NBEA: variants seen among roughly 807,000 people sequenced by gnomAD.
The protein encoded by NBEA is neurobeachin, also known as lysosomal-trafficking regulator 2.
A neutral mutation model predicts 343.4 loss-of-function variants in NBEA; 44 were observed. The ratio of observed to expected loss-of-function variants is 0.13; its 90% CI spans 0.10 to 0.16. The LOEUF (loss-of-function observed/expected upper bound fraction) is 0.16. Among genes scored for constraint, NBEA ranks in the 10% least tolerant of loss-of-function variants. The pLI is 1.00. For missense variants in NBEA, 2,555 were observed against 3,631.3 expected (o/e 0.70, Z 7.62); for synonymous variants, 1,175 against 1,238.7 (o/e 0.95, Z 1.08).
At chr13:35,521,478 G>A (rs1416188773) in intron 41 of NBEA, among the ~76,000 whole-genome samples, 1 of 152,164 alleles carries the variant, frequency 6.6e-6, no homozygotes, top group African/African-American at 2.4e-5. Context: ...CCCATGACAA[G>A]AACAGGCAGA....
intron 56 of NBEA, among the ~76,000 whole-genome samples, chr13:35,665,725 C>G (rs1191465469): frequency 6.6e-6 from 1 of 152,150 alleles, no homozygotes; most frequent in Non-Finnish European, 1.5e-5. Context: ...CTCCTGGGTT[C>G]AGGTGATTCT....
At chr13:35,172,517 G>T (rs1284137318) in intron 26 of NBEA, among the ~76,000 whole-genome samples, 1 of 151,816 alleles carries the variant, frequency 6.6e-6, no homozygotes, top group Non-Finnish European at 1.5e-5. Context: ...TGGTTATTCT[G>T]TACTTTTATT....
At chr13:34,952,645 GTAATA>G (rs1593267630) in intron 1 of NBEA, among the ~76,000 whole-genome samples, 1 of 152,026 alleles carries the variant, frequency 6.6e-6, no homozygotes, top group East Asian at 1.9e-4. Context: ...TAGCATCTGG[GTAATA>G]TAATTTCTAA....
Position 35,475,503 on chromosome 13 carries a change from G to C in NBEA, c.6585+2967G>C, listed in dbSNP as rs763469679. On this transcript the variant is annotated intron_variant, in intron 41 of 58. Coordinates refer to ENST00000379939, the MANE Select transcript of NBEA (RefSeq NM_001385012.1). ...TGCCGGCCAAGGAGTGGCACTCCTTGGACAAGAGATTGAAACCTTCCGCCT... is the reference window on the plus strand; with the variant it reads ...TGCCGGCCAAGGAGTGGCACTCCTTCGACAAGAGATTGAAACCTTCCGCCT... 6 of 1,612,228 alleles carry C rather than the reference G, an allele frequency of 3.7e-6. No homozygotes were observed. In the Admixed American group the frequency reaches 8.3e-5, roughly 22 times the overall value.
chr13:35,198,250 G>A (rs370304591), intron 31 of NBEA, among the ~76,000 whole-genome samples: 1 of 152,046 alleles, frequency 6.6e-6, no homozygotes, highest in African/African-American at 2.4e-5. Context: ...ACATATGCAT[G>A]TAAGTATATG....
At chr13:35,052,513 A>G (rs2063100343) in intron 6 of NBEA, among the ~76,000 whole-genome samples, 2 of 151,850 alleles carry the variant, frequency 1.3e-5, no homozygotes, top group Admixed American at 1.3e-4. Flanking sequence ...ATTCCTTATT[A>G]CTGGTTGTGT....
intron 34 of NBEA, among the ~76,000 whole-genome samples, chr13:35,237,219 C>T (rs1423248375): frequency 2.0e-5 from 3 of 152,036 alleles, no homozygotes; most frequent in Non-Finnish European, 2.9e-5. Context: ...CGTACCACTG[C>T]ACTCCAGCCT....
chr13:35,404,195 C>T (rs2043142730), intron 38 of NBEA, among the ~76,000 whole-genome samples: 1 of 152,028 alleles, frequency 6.6e-6, no homozygotes, highest in Admixed American at 6.6e-5. Flanking sequence ...GTCAGCGTGG[C>T]GATTCCTCAG....
intron 50 of NBEA, 34 bp downstream of exon 50, chr13:35,645,965 T>G: frequency 7.2e-7 from 1 of 1,390,550 alleles, no homozygotes; most frequent in South Asian, 1.3e-5. Context: ...GAAAGTGTTC[T>G]TTGGTCTTTA....
intron 54 of NBEA, 87 bp from the exon 55 acceptor site, chr13:35,655,492 A>AT (rs2153081948): frequency 2.9e-6 from 4 of 1,357,278 alleles, no homozygotes; most frequent in East Asian, 2.4e-5. Context: ...ATATGGTAAA[A>AT]TTTTTTAAAA....
intron 17 of NBEA, among the ~76,000 whole-genome samples, chr13:35,129,989 G>A (rs1465288966): frequency 6.6e-6 from 1 of 152,108 alleles, no homozygotes; most frequent in African/African-American, 2.4e-5. Context: ...TGCTAATAAA[G>A]GTGCCATCTC....
intron 1 of NBEA, among the ~76,000 whole-genome samples, chr13:34,964,382 A>G (rs1005281221): frequency 3.9e-5 from 6 of 152,000 alleles, no homozygotes; most frequent in Non-Finnish European, 1.5e-5. Context: ...TATACATGGC[A>G]TGTCATAATT....
intron 34 of NBEA, among the ~76,000 whole-genome samples, chr13:35,278,574 A>G (rs954942983): frequency 1.3e-5 from 2 of 152,174 alleles, no homozygotes; most frequent in Non-Finnish European, 1.5e-5. Flanking sequence ...GCCACTTTTG[A>G]TTCTTGTTTT....
rs757991447 is a variant in NBEA at position 35,161,921 on chromosome 13, A to G, written c.4033A>G (p.Thr1345Ala). 3 of 1,560,636 alleles carry G rather than the reference A, an allele frequency of 1.9e-6. No individual in the cohort carries two copies. Among genetic ancestry groups the G allele is most frequent in the African/African-American group, 2.7e-5 (2 of 73,552 alleles). Reference sequence around the variant, plus strand: ...GTCTCCAATGCACCAGCGGCTTCTCACTGATTTACTATTTGCATTAGAAAC... The same window carrying G: ...GTCTCCAATGCACCAGCGGCTTCTCGCTGATTTACTATTTGCATTAGAAAC... ...KWSPMHQRLL[T>A]DLLFALETDV... The change falls in exon 23 of 59, where the codon ACT becomes GCT. Residue 1345 changes from threonine to alanine, a missense_variant. This residue lies in a region of NBEA where 69 missense variants were observed against 128.8 expected (regional missense o/e 0.54). Coordinates refer to ENST00000379939, the MANE Select transcript of NBEA (RefSeq NM_001385012.1).
At chr13:35,397,743 TAG>T (rs1246018180) in intron 38 of NBEA, among the ~76,000 whole-genome samples, 1 of 152,192 alleles carries the variant, frequency 6.6e-6, no homozygotes, top group Non-Finnish European at 1.5e-5. Context: ...AAGTGTGCAA[TAG>T]CATTATGTCA....
intron 49 of NBEA, among the ~76,000 whole-genome samples, chr13:35,634,273 G>A (rs562868321): frequency 6.6e-6 from 1 of 152,264 alleles, no homozygotes; most frequent in South Asian, 2.1e-4. Flanking sequence ...AACCCGGGAG[G>A]CGCAGCTTGT....
intron 1 of NBEA, among the ~76,000 whole-genome samples, chr13:34,979,497 G>A (rs1360869584): frequency 6.6e-6 from 1 of 151,838 alleles, no homozygotes; most frequent in Non-Finnish European, 1.5e-5. Flanking sequence ...TCCATCCTGG[G>A]TGACAGAGCA....
At chr13:35,020,917 G>C (rs2061816386) in intron 1 of NBEA, among the ~76,000 whole-genome samples, 1 of 152,052 alleles carries the variant, frequency 6.6e-6, no homozygotes, top group South Asian at 2.1e-4. Flanking sequence ...AAAAATTGTA[G>C]ATTTGTCTAT....
chr13:35,000,004 T>C (rs2061072942), intron 1 of NBEA, among the ~76,000 whole-genome samples: 1 of 152,188 alleles, frequency 6.6e-6, no homozygotes, highest in Admixed American at 6.6e-5. Context: ...CCTTTATATG[T>C]ATTTAGATTA....
Sources: gnomAD v4.1 joint callset for allele counts (sites outside exome capture counted in the v4.1 genomes callset) on GRCh38, gnomAD v4.1.1 for gene constraint, gnomAD v4.1.1 regional missense constraint, MANE v1.5 for transcripts, NCBI Gene and HGNC (gene_info 2026-07-23, HGNC 2026-07-21) for gene names.